Variants in PDE1C observed in about 807,000 individuals in gnomAD.
The protein encoded by PDE1C is dual specificity calcium/calmodulin-dependent 3',5'-cyclic nucleotide phosphodiesterase 1C.
In PDE1C, 62 loss-of-function variants were observed where a neutral mutation model predicts 93.1. The ratio of observed to expected loss-of-function variants is 0.67; its 90% CI spans 0.54 to 0.82. The LOEUF is 0.82. PDE1C is among the 40% of genes least tolerant of loss of function. PDE1C has a pLI of 0.00. For synonymous variants in PDE1C, 325 were observed against 310.1 expected, an observed-to-expected ratio of 1.05 and a Z score of -0.50; for missense variants, 742 against 884.6, an observed-to-expected ratio of 0.84 and a Z score of 2.04.
chr7:32,120,779 G>GA (rs1179312299), intron 3 of PDE1C, among the ~76,000 whole-genome samples: 2 of 152,018 alleles, frequency 1.3e-5, no homozygotes, highest in Non-Finnish European at 2.9e-5. Context: ...AAGAATCAAT[G>GA]AAAAAAATGC....
chr7:32,010,348 G>A (rs1441731044), intron 2 of PDE1C, among the ~76,000 whole-genome samples: 2 of 152,138 alleles, frequency 1.3e-5, no homozygotes, highest in Non-Finnish European at 2.9e-5. Context: ...CACATGAATA[G>A]AAAACTAATT....
chr7:32,117,702 C>G (rs546734752), intron 3 of PDE1C, among the ~76,000 whole-genome samples: 3 of 152,162 alleles, frequency 2.0e-5, no homozygotes, highest in Non-Finnish European at 4.4e-5. Flanking sequence ...ATCACTCTGG[C>G]TAGAGGTGTG....
At chr7:31,711,876 T>TC in the PDE1C span, among the ~76,000 whole-genome samples, 30 of 152,080 alleles carry the variant, frequency 2.0e-4, no homozygotes, top group South Asian at 5.6e-3. Context: ...GGGCCCTGCT[T>TC]CCCCCCACCC....
intron 16 of PDE1C, among the ~76,000 whole-genome samples, chr7:31,775,994 C>T (rs766934528): frequency 1.2e-4 from 18 of 152,142 alleles, no homozygotes; most frequent in Non-Finnish European, 2.1e-4. Flanking sequence ...AGCAATGCTA[C>T]ATTTTAGGAT....
At chr7:31,748,753 C>T (rs78524623), downstream of PDE1C, among the ~76,000 whole-genome samples, 681 of 152,308 alleles carry the variant, frequency 4.5e-3, 3 homozygotes, top group African/African-American at 0.015. Context: ...ATCAGGGCCA[C>T]GCTTGGAGGC....
intron 1 of PDE1C, among the ~76,000 whole-genome samples, chr7:32,371,051 A>G (rs756249187): frequency 1.3e-5 from 2 of 150,376 alleles, no homozygotes; most frequent in African/African-American, 2.4e-5. Flanking sequence ...AACTTGGCCT[A>G]TAGACACTGC....
chr7:31,954,923 T>G (rs1807917069), intron 2 of PDE1C, among the ~76,000 whole-genome samples: 1 of 152,234 alleles, frequency 6.6e-6, no homozygotes, highest in Non-Finnish European at 1.5e-5. Context: ...CTGGACAAGT[T>G]ACTTGCTTTC....
chr7:31,787,675 G>T (rs1439141505), intron 16 of PDE1C: 1 of 152,158 alleles, frequency 6.6e-6, no homozygotes, highest in Non-Finnish European at 1.5e-5. Flanking sequence ...TGCTCTGTGT[G>T]TGTAAACCAG....
chr7:32,103,252 C>T (rs536920347), intron 3 of PDE1C, among the ~76,000 whole-genome samples: 38 of 152,216 alleles, frequency 2.5e-4, no homozygotes, highest in Admixed American at 9.2e-4. Flanking sequence ...TATGGCTATT[C>T]TACCAGAGAA....
At chr7:32,274,839 C>T (rs996000371) in intron 1 of PDE1C, among the ~76,000 whole-genome samples, 6 of 152,150 alleles carry the variant, frequency 3.9e-5, no homozygotes, top group South Asian at 2.1e-4. Flanking sequence ...CATAAATTAA[C>T]GTGTTTACAA....
the PDE1C span, among the ~76,000 whole-genome samples, chr7:31,743,589 A>ATT: frequency 6.6e-6 from 1 of 151,888 alleles, no homozygotes; most frequent in African/African-American, 2.4e-5. Context: ...ACACACACAC[A>ATT]CACACCAATT....
At chr7:32,320,108 C>T (rs1382446817) in intron 1 of PDE1C, among the ~76,000 whole-genome samples, 1 of 152,174 alleles carries the variant, frequency 6.6e-6, no homozygotes, top group African/African-American at 2.4e-5. Flanking sequence ...CCCACACTAC[C>T]AACTGACAGA....
chr7:31,617,766 T>A, the PDE1C span, among the ~76,000 whole-genome samples: 21 of 152,282 alleles, frequency 1.4e-4, no homozygotes, highest in Admixed American at 1.3e-3. Flanking sequence ...ATGAGTTTGG[T>A]TGAAATTGAA....
At chr7:32,320,973 T>C (rs867594628) in intron 1 of PDE1C, among the ~76,000 whole-genome samples, 2 of 152,148 alleles carry the variant, frequency 1.3e-5, no homozygotes, top group Non-Finnish European at 2.9e-5. Flanking sequence ...GGTCACCCAC[T>C]ACAGAGTCCT....
At chr7:32,119,800 G>A (rs1162065368) in intron 3 of PDE1C, among the ~76,000 whole-genome samples, 2 of 152,202 alleles carry the variant, frequency 1.3e-5, no homozygotes, top group African/African-American at 4.8e-5. Flanking sequence ...CCAGGGCATA[G>A]GGTCCCAACC....
At chr7:31,668,060 T>C in the PDE1C span, among the ~76,000 whole-genome samples, 1 of 152,164 alleles carries the variant, frequency 6.6e-6, no homozygotes, top group South Asian at 2.1e-4. Flanking sequence ...GGACTATGTA[T>C]TATCCCTGCT....
intron 7 of PDE1C, among the ~76,000 whole-genome samples, chr7:31,864,556 C>T (rs908555172): frequency 1.3e-5 from 2 of 152,168 alleles, no homozygotes; most frequent in South Asian, 2.1e-4. Flanking sequence ...GCTAACTTTG[C>T]GTAACACGGT....
chr7:32,115,404 T>C (rs1329792465), intron 3 of PDE1C, among the ~76,000 whole-genome samples: 1 of 151,852 alleles, frequency 6.6e-6, no homozygotes, highest in Non-Finnish European at 1.5e-5. Flanking sequence ...CACTCATAAG[T>C]GGGAGTTGAA....
At chr7:32,148,745 C>A (rs1801061589) in intron 3 of PDE1C, among the ~76,000 whole-genome samples, 1 of 152,108 alleles carries the variant, frequency 6.6e-6, no homozygotes, top group Non-Finnish European at 1.5e-5. Flanking sequence ...GCTCCCAGGT[C>A]ATTGCTTTGC....
Sources: gnomAD v4.1 joint callset for allele counts (sites outside exome capture counted in the v4.1 genomes callset) on GRCh38, gnomAD v4.1.1 for gene constraint, MANE v1.5 for transcripts, NCBI Gene and HGNC (gene_info 2026-07-23, HGNC 2026-07-21) for gene names.